PAPLN: variants seen among roughly 807,000 people sequenced by gnomAD.
The protein encoded by PAPLN is papilin, proteoglycan like sulfated glycoprotein, also known as papilin.
A neutral mutation model predicts 159.0 loss-of-function variants in PAPLN; 146 were observed. The observed-to-expected ratio is 0.92, with a 90% CI of 0.80 to 1.05. PAPLN has a LOEUF of 1.05. Among genes scored for constraint, PAPLN ranks in the 50% least tolerant of loss-of-function variants. The pLI, the probability that PAPLN is intolerant of heterozygous loss-of-function variation, is 0.00. For missense variants in PAPLN, 1,720 were observed against 1,743.9 expected (o/e 0.99, Z 0.24); for synonymous variants, 734 against 702.9 (o/e 1.04, Z -0.70).
intron 12 of PAPLN, 30 bp from the exon 13 acceptor site, chr14:73,254,483 G>T: frequency 6.2e-7 from 1 of 1,609,974 alleles, no homozygotes; most frequent in Non-Finnish European, 8.5e-7. Context: ...GGGCAAGGCC[G>T]AGCTTCTGCT....
At position 73,274,267 on chromosome 14, in the gene PAPLN, AAAG is replaced by A. The variant is rs1321023993; in HGVS notation, c.*1608_*1610del. On this transcript the variant is annotated 3_prime_UTR_variant, in exon 27 of 27. Coordinates refer to ENST00000644200, the MANE Select transcript of PAPLN (RefSeq NM_001365906.3). ...CAGGACTTCTAATTCCTTGATGCTA[AAAG>A]AAGAGGCATGGATTCTATGAGCTTC... 1 of 152,244 alleles carries A rather than the reference AAAG, an allele frequency of 6.6e-6. No individual in the cohort carries two copies. The highest frequency in any genetic ancestry group is 2.4e-5 in the African/African-American group (1 of 41,464). 9.4% of individuals were successfully genotyped at this position (152,244 alleles called of 1,614,324 possible). A position where few individuals can be genotyped will look rare whatever the true frequency, so the allele number is the denominator to read the frequency against.
intron 14 of PAPLN, among the ~76,000 whole-genome samples, chr14:73,258,031 C>A (rs1273951357): frequency 1.3e-5 from 2 of 152,178 alleles, no homozygotes; most frequent in Admixed American, 1.3e-4. Flanking sequence ...TCCCAAAGTG[C>A]TGGGATTGCG....
rs200034627 is a variant in PAPLN at position 73,261,197 on chromosome 14, C to G, written c.2148C>G (p.Pro716=). The G allele has an allele frequency of 1.2e-6, 2 of 1,614,116 alleles. No homozygotes were observed. The highest frequency in any genetic ancestry group is 2.2e-5 in the South Asian group (2 of 91,082). Residue 716 remains proline (P), a synonymous_variant, in exon 18 of 27, where the codon CCC becomes CCG. Coordinates refer to ENST00000644200, the MANE Select transcript of PAPLN (RefSeq NM_001365906.3). ...AGCCCCAGGCCCAGCAGAATGAGCC[C>G]AGTGAGTGCCGGGGCTCCCAGTTTG... ...THQPQAQQNE[P]SECRGSQFGC... is the part of the protein sequence containing the mutation.
chr14:73,257,193 A>G (rs994696552), intron 14 of PAPLN, among the ~76,000 whole-genome samples: 2 of 152,148 alleles, frequency 1.3e-5, no homozygotes, highest in African/African-American at 4.8e-5. Context: ...GCCGGTCTTC[A>G]TCTCCTGGGC....
rs200501275 is a variant in PAPLN at position 73,251,079 on chromosome 14, G to A, written c.589+49G>A. The A allele has an allele frequency of 1.1e-4, 173 of 1,553,732 alleles. 1 individual carries two copies. In the African/African-American group the frequency reaches 2.4e-3, roughly 21 times the overall value. ...CAGTTGCCTGCCCCCTTCCTTGCCT[G>A]TCCCTTCCTTGCCTGTCCCTGCTCT... is the stretch of plus-strand genomic sequence containing the variant. On this transcript the variant is annotated intron_variant, in intron 7 of 26. Transcript: ENST00000644200.
rs144111866 is a variant in PAPLN at position 73,247,492 on chromosome 14, G to A, written c.334+1317G>A. Among the ~76,000 whole-genome samples the A allele has an allele frequency of 7.2e-3, 1,090 of 152,090 alleles. 17 individuals are homozygous for A. The highest frequency in any genetic ancestry group is 0.025 in the African/African-American group (1,046 of 41,450). On this transcript the variant is annotated intron_variant, in intron 5 of 26. Transcript: ENST00000644200. ...TGGTGGGGATCGTGGCTGTGGGCAT[G>A]GCCCAGTGGGAGTCTCATATCCTGT...
At chr14:73,250,839 G>A in intron 6 of PAPLN, 68 bp from the exon 7 acceptor site, 1 of 1,512,196 alleles carries the variant, frequency 6.6e-7, no homozygotes, top group Non-Finnish European at 8.8e-7. Flanking sequence ...GGGTTAGGAT[G>A]CGACGGGGCC....
At chr14:73,260,597 C>G (rs1199169020) in intron 16 of PAPLN, 112 bp from the exon 17 acceptor site, 14 of 1,320,244 alleles carry the variant, frequency 1.1e-5, no homozygotes, top group Non-Finnish European at 1.3e-5. Context: ...CTCTCCCCCC[C>G]AGGTCCCCAC....
chr14:73,260,853 G>T (rs979186844), intron 17 of PAPLN, 24 bp downstream of exon 17: 4 of 1,495,168 alleles, frequency 2.7e-6, no homozygotes, highest in Non-Finnish European at 3.5e-6. Context: ...CTGGGGGAGG[G>T]GAGCAGGGGG....
In PAPLN at chr14:73,245,403, G is replaced by A; in HGVS notation, c.171-233G>A. On this transcript the variant is annotated intron_variant, in intron 3 of 26. Coordinates refer to ENST00000644200, the MANE Select transcript of PAPLN (RefSeq NM_001365906.3). The surrounding 1 kb of genome is among the most constrained non-coding windows in gnomAD (Gnocchi z 4.2). ...GCCTAAGATGCAGTGGAGTGGTCCC[G>A]CCTTAAATCCAAACTATAGGGTGGG... The A allele has an allele frequency of 1.8e-6, 1 of 553,482 alleles. No homozygotes were observed. Among genetic ancestry groups the A allele is most frequent in the South Asian group, 2.2e-5 (1 of 45,896 alleles). 34.3% of individuals were successfully genotyped at this position (553,482 alleles called of 1,614,324 possible). A position where few individuals can be genotyped will look rare whatever the true frequency, so the allele number is the denominator to read the frequency against.
Position 73,251,648 on chromosome 14 carries a change from G to C in PAPLN, c.671-16G>C, listed in dbSNP as rs201896871. 3.7e-6 allele frequency: 6 copies of C among 1,613,420 alleles called. No homozygotes were observed. In the Admixed American group the frequency reaches 1.0e-4, roughly 27 times the overall value. On this transcript the variant is annotated splice_polypyrimidine_tract_variant and intron_variant, in intron 8 of 26. Coordinates refer to ENST00000644200, the MANE Select transcript of PAPLN (RefSeq NM_001365906.3). ...ACTGCTCCCTCTGGCTGACTGAGGC[G>C]GTCTCCTCTGCGCAGCTGTGAAGAA...
intron 16 of PAPLN, 31 bp from the exon 17 acceptor site, chr14:73,260,678 G>A: frequency 7.0e-7 from 1 of 1,424,000 alleles, no homozygotes; most frequent in Non-Finnish European, 9.2e-7. Context: ...GGGCAGGCTG[G>A]GCAGTGAGGG....
intron 5 of PAPLN, among the ~76,000 whole-genome samples, chr14:73,249,434 G>A (rs535538750): frequency 6.6e-6 from 1 of 152,206 alleles, no homozygotes; most frequent in African/African-American, 2.4e-5. Context: ...AGCACTTTGG[G>A]AGGCTGAGGC....
rs139106887 is a variant in PAPLN at position 73,253,668 on chromosome 14, C to T, written c.1095-86C>T. On this transcript the variant is annotated intron_variant, in intron 11 of 26. Coordinates refer to ENST00000644200, the MANE Select transcript of PAPLN (RefSeq NM_001365906.3). The stretch of plus-strand genomic sequence containing the variant: ...GGCTGGGGTGGGGGTCCTCAGGCCA[C>T]CTGTGTGAGTGAGGGCAGAAACCCT... The T allele has an allele frequency of 2.7e-3, 3,609 of 1,320,742 alleles. 9 individuals carry two copies. Among genetic ancestry groups the T allele is most frequent in the Non-Finnish European group, 3.3e-3 (3,189 of 963,850 alleles). 81.8% of individuals were successfully genotyped at this position (1,320,742 alleles called of 1,614,324 possible).
In PAPLN at chr14:73,250,792, C is replaced by T. The variant is rs151267915; in HGVS notation, c.466-115C>T. The T allele has an allele frequency of 7.0e-3, 9,091 of 1,299,892 alleles. 30 individuals are homozygous for T. Among genetic ancestry groups the T allele is most frequent in the Admixed American group, 8.9e-3 (274 of 30,904 alleles). 80.5% of individuals were successfully genotyped at this position (1,299,892 alleles called of 1,614,324 possible). A position where few individuals can be genotyped will look rare whatever the true frequency, so the allele number is the denominator to read the frequency against. On this transcript the variant is annotated intron_variant, in intron 6 of 26. Coordinates refer to ENST00000644200, the MANE Select transcript of PAPLN (RefSeq NM_001365906.3). Reference sequence around the variant, plus strand: ...CCCCTGGCTGGTGGCTGAATCACTCCCGACCACCCTATCCTGCCTGGGCTG... The same window carrying T: ...CCCCTGGCTGGTGGCTGAATCACTCTCGACCACCCTATCCTGCCTGGGCTG...
rs964449651 is a variant in PAPLN at position 73,259,802 on chromosome 14, C to A, written c.1985+257C>A. The stretch of plus-strand genomic sequence containing the variant: ...TGCAGAGTGTCAGCGTGTGGAAACA[C>A]AGCCTGAGACTCCGAGAAGGCTCTG... On this transcript the variant is annotated intron_variant, in intron 16 of 26. Coordinates refer to ENST00000644200, the MANE Select transcript of PAPLN (RefSeq NM_001365906.3). Among the ~76,000 whole-genome samples, 10 of 152,200 alleles carry A rather than the reference C, an allele frequency of 6.6e-5. 2 individuals carry two copies. The East Asian group carries it at 1.9e-3, about 29-fold the overall frequency.
intron 21 of PAPLN, 62 bp downstream of exon 21, chr14:73,264,397 G>T: frequency 1.9e-6 from 3 of 1,574,744 alleles, no homozygotes; most frequent in Non-Finnish European, 2.6e-6. Flanking sequence ...AGGCCAGGAT[G>T]GGGAGCCTGA....
Position 73,245,356 on chromosome 14 carries a change from C to A in PAPLN, c.171-280C>A. The A allele has an allele frequency of 2.1e-6, 1 of 486,452 alleles. No homozygotes were observed. The allele number at this position is 486,452 out of a possible 1,614,324, so 30.1% of individuals were successfully genotyped here. A position where few individuals can be genotyped will look rare whatever the true frequency, so the allele number is the denominator to read the frequency against. Reference sequence around the variant, plus strand: ...CGGGTGGGTATTATATCTCATGCACCTCGGGTCTTCTCTGGGAATCTGCCT... The same window carrying A: ...CGGGTGGGTATTATATCTCATGCACATCGGGTCTTCTCTGGGAATCTGCCT... On this transcript the variant is annotated intron_variant, in intron 3 of 26. Transcript: ENST00000644200. The surrounding 1 kb of genome is among the most constrained non-coding windows in gnomAD (Gnocchi z 4.2).
Position 73,259,349 on chromosome 14 carries a change from G to A in PAPLN, c.1789G>A (p.Gly597Ser), listed in dbSNP as rs547376806. The A allele has an allele frequency of 8.1e-6, 13 of 1,611,556 alleles. No individual in the cohort carries two copies. In the South Asian group the frequency reaches 1.4e-4, roughly 18 times the overall value. ...CAGGGGAGAACGAGGTGACCCCAGG[G>A]GCGACCAAGGCACCCACCTGTCAGC... is the stretch of plus-strand genomic sequence containing the variant. The part of the protein sequence containing the change: ...DHRGERGDPR[G>S]DQGTHLSALG... The change falls in exon 16 of 27, where the codon GGC (glycine) becomes AGC (serine). Residue 597 changes from glycine to serine, a missense_variant. Transcript: ENST00000644200.
Sources: allele counts gnomAD v4.1 joint callset (sites outside exome capture counted in the v4.1 genomes callset), GRCh38; gene constraint gnomAD v4.1.1; non-coding constraint Gnocchi (gnomAD v3.1); transcripts MANE v1.5; gene names NCBI Gene and HGNC (gene_info 2026-07-23, HGNC 2026-07-21).